The following CDH18 variants were observed in gnomAD, a reference collection of about 807,000 sequenced individuals.
CDH18 encodes the protein cadherin 18.
CDH18 carries 31 observed loss-of-function variants against 67.9 expected under a neutral mutation model. The observed-to-expected ratio is 0.46, with a 90% confidence interval of 0.34 to 0.62. The LOEUF is 0.62. Among genes scored for constraint, CDH18 ranks in the 20% least tolerant of loss-of-function variants. The pLI is 0.01. For missense variants in CDH18, 890 were observed against 975.5 expected (o/e 0.91, Z 1.17); for synonymous variants, 362 against 347.2 (o/e 1.04, Z -0.48).
At chr5:20,195,055 T>C (rs939283237) in intron 2 of CDH18, among the ~76,000 whole-genome samples, 1 of 152,078 alleles carries the variant, frequency 6.6e-6, no homozygotes, top group Non-Finnish European at 1.5e-5. Context: ...TATCCAACAG[T>C]ATAACTGCAA....
intron 8 of CDH18, among the ~76,000 whole-genome samples, chr5:19,554,753 T>C (rs1010087165): frequency 2.0e-5 from 3 of 152,082 alleles, no homozygotes; most frequent in African/African-American, 7.2e-5. Flanking sequence ...CATTAGGCTG[T>C]TAGATAAACT....
At chr5:20,077,008 G>A (rs898880279) in intron 2 of CDH18, among the ~76,000 whole-genome samples, 6 of 152,118 alleles carry the variant, frequency 3.9e-5, no homozygotes, top group Non-Finnish European at 7.4e-5. Flanking sequence ...ACAAATTCCA[G>A]TTGGTTGAAT....
At chr5:19,974,166 C>T (rs1579896924) in intron 2 of CDH18, among the ~76,000 whole-genome samples, 1 of 151,990 alleles carries the variant, frequency 6.6e-6, no homozygotes, top group African/African-American at 2.4e-5. Flanking sequence ...GGATCTTTCT[C>T]AGTTTTCAGA....
chr5:20,130,802 A>G (rs1749207268), intron 2 of CDH18, among the ~76,000 whole-genome samples: 1 of 152,020 alleles, frequency 6.6e-6, no homozygotes, highest in African/African-American at 2.4e-5. Flanking sequence ...TCCTTTTCAG[A>G]GCAGACTCAT....
chr5:20,049,013 A>G (rs1741160833), intron 2 of CDH18, among the ~76,000 whole-genome samples: 1 of 151,780 alleles, frequency 6.6e-6, no homozygotes, highest in Non-Finnish European at 1.5e-5. Context: ...ATTTTCTGAC[A>G]AAGTATGAAG....
intron 2 of CDH18, among the ~76,000 whole-genome samples, chr5:19,959,097 A>G (rs1180630340): frequency 6.6e-6 from 1 of 152,122 alleles, no homozygotes; most frequent in Non-Finnish European, 1.5e-5. Flanking sequence ...GTAAAATGGA[A>G]AAAGACAAGG....
intron 7 of CDH18, among the ~76,000 whole-genome samples, chr5:19,574,601 A>C (rs949306217): frequency 2.6e-5 from 4 of 151,936 alleles, no homozygotes; most frequent in African/African-American, 4.8e-5. Context: ...GTTTTACCCA[A>C]AAAAAATGGT....
At chr5:19,984,301 G>C (rs758327959) in intron 1 of CDH18, among the ~76,000 whole-genome samples, 1 of 151,600 alleles carries the variant, frequency 6.6e-6, no homozygotes, top group Non-Finnish European at 1.5e-5. Context: ...CATTAATAAT[G>C]GTTACTGTTT....
chr5:19,819,819 T>C (rs968226888), intron 3 of CDH18, among the ~76,000 whole-genome samples: 6 of 152,116 alleles, frequency 3.9e-5, no homozygotes, highest in African/African-American at 1.2e-4. Flanking sequence ...CAGGGCTGCC[T>C]TTCCCACAGG....
Position 20,466,306 on chromosome 5 carries a change from C to A in CDH18, c.-580+109156G>T, listed in dbSNP as rs997580652. ...ACTGAAAGTAAACTGACTTATTAGG[C>A]CATGACTTATATAATATAGGAATAC... On this transcript the variant is annotated intron_variant, in intron 1 of 14. Transcript: ENST00000507958. Among the ~76,000 whole-genome samples, 4 of 152,108 alleles carry A rather than the reference C, an allele frequency of 2.6e-5. No homozygotes were observed. In the East Asian group the frequency reaches 7.7e-4, roughly 29 times the overall value.
intron 1 of CDH18, among the ~76,000 whole-genome samples, chr5:20,379,624 A>C (rs1456899204): frequency 6.6e-6 from 1 of 152,154 alleles, no homozygotes; most frequent in Non-Finnish European, 1.5e-5. Flanking sequence ...GATGAATGAC[A>C]TATATAAGTA....
At chr5:19,961,879 C>T (rs1048559936) in intron 2 of CDH18, among the ~76,000 whole-genome samples, 1 of 151,822 alleles carries the variant, frequency 6.6e-6, no homozygotes, top group African/African-American at 2.4e-5. Context: ...ATTGCATTAG[C>T]TTTCTTTACC....
intron 2 of CDH18, among the ~76,000 whole-genome samples, chr5:20,133,419 A>G (rs923091073): frequency 6.6e-6 from 1 of 152,144 alleles, no homozygotes; most frequent in Non-Finnish European, 1.5e-5. Flanking sequence ...CACCATGGGA[A>G]AAAACCTCCT....
intron 1 of CDH18, among the ~76,000 whole-genome samples, chr5:20,509,977 T>A (rs1581129815): frequency 6.6e-6 from 1 of 152,212 alleles, no homozygotes; most frequent in East Asian, 1.9e-4. Flanking sequence ...ATGGTTTTCA[T>A]AATGGCTGTA....
intron 2 of CDH18, among the ~76,000 whole-genome samples, chr5:19,960,821 A>G (rs985798083): frequency 4.7e-5 from 7 of 150,002 alleles, no homozygotes; most frequent in Non-Finnish European, 8.9e-5. Flanking sequence ...ACACACACGC[A>G]CACAAATATA....
intron 1 of CDH18, among the ~76,000 whole-genome samples, chr5:20,302,100 T>TAAAATG (rs1310438568): frequency 6.6e-6 from 1 of 152,168 alleles, no homozygotes; most frequent in Non-Finnish European, 1.5e-5. Flanking sequence ...AATTTCAGAA[T>TAAAATG]AACAAAATAT....
chr5:20,280,222 A>G lies in CDH18; in HGVS notation c.-579-24717T>C, dbSNP rs185902898. On this transcript the variant is annotated intron_variant, in intron 1 of 14. Transcript: ENST00000507958. The stretch of plus-strand genomic sequence containing the variant: ...ATTTTTTTTCTGGATTCTTTTTTTT[A>G]TTATACTTTAAGTTTTAGGGTACAT... Among the ~76,000 whole-genome samples, 903 of 150,464 alleles carry G rather than the reference A, an allele frequency of 6.0e-3. 7 individuals carry two copies. The highest frequency in any genetic ancestry group is 9.0e-3 in the Non-Finnish European group (605 of 67,564).
chr5:19,693,829 G>A (rs1762206930), intron 5 of CDH18, among the ~76,000 whole-genome samples: 1 of 151,492 alleles, frequency 6.6e-6, no homozygotes, highest in Non-Finnish European at 1.5e-5. Context: ...CTGAGAGCTG[G>A]AGGTTGCAGT....
intron 1 of CDH18, among the ~76,000 whole-genome samples, chr5:20,555,035 G>T (rs1757822672): frequency 6.6e-6 from 1 of 152,174 alleles, no homozygotes; most frequent in Non-Finnish European, 1.5e-5. Context: ...TTTACATGTT[G>T]CATTACATGT....
Sources: gnomAD v4.1 joint callset for allele counts (sites outside exome capture counted in the v4.1 genomes callset) on GRCh38, gnomAD v4.1.1 for gene constraint, MANE v1.5 for transcripts, NCBI Gene and HGNC (gene_info 2026-07-23, HGNC 2026-07-21) for gene names.